MEP1A: variants seen among roughly 807,000 people sequenced by gnomAD.
MEP1A encodes N-benzoyl-L-tyrosyl-P-amino-benzoic acid hydrolase subunit alpha.
Under a neutral mutation model 84.5 loss-of-function variants are expected in MEP1A, and 68 were observed. The observed-to-expected ratio is 0.80, with a 90% CI of 0.66 to 0.98. The LOEUF is 0.98. MEP1A is among the 50% of genes least tolerant of loss of function. The pLI is 0.00. For synonymous variants in MEP1A, 337 were observed against 336.8 expected (o/e 1.00, Z -0.01); for missense variants, 887 against 919.9 (o/e 0.96, Z 0.46).
intron 5 of MEP1A, among the ~76,000 whole-genome samples, chr6:46,800,295 C>T (rs1468985146): frequency 2.6e-5 from 4 of 152,156 alleles, no homozygotes; most frequent in Non-Finnish European, 4.4e-5. Flanking sequence ...TTTACCATGC[C>T]TCTGTAAGGT....
At chr6:46,827,369 T>TC (rs1235552392) in intron 9 of MEP1A, among the ~76,000 whole-genome samples, 2 of 152,204 alleles carry the variant, frequency 1.3e-5, no homozygotes, top group African/African-American at 4.8e-5. Flanking sequence ...GCAGCTTCAC[T>TC]CCCCATTTTT....
chr6:46,809,367 A>T (rs1211285305), intron 5 of MEP1A, 53 bp from the exon 6 acceptor site: 1 of 1,123,408 alleles, frequency 8.9e-7, no homozygotes, highest in Non-Finnish European at 1.3e-6. Flanking sequence ...TAAGTTATAG[A>T]TATTATCTAA....
intron 5 of MEP1A, among the ~76,000 whole-genome samples, chr6:46,804,805 G>A (rs1767276658): frequency 6.6e-6 from 1 of 151,762 alleles, no homozygotes; most frequent in Admixed American, 6.6e-5. Context: ...TATCCTTCCA[G>A]AGAGTTCTGT....
Position 46,833,400 on chromosome 6 carries a change from G to C in MEP1A, c.1471G>C (p.Gly491Arg). The C allele has an allele frequency of 6.2e-7, 1 of 1,614,144 alleles. No homozygotes were observed. Among genetic ancestry groups the C allele is most frequent in the Non-Finnish European group, 8.5e-7 (1 of 1,180,024 alleles). Reference protein sequence around the residue: ...YLRLAFHVCSGENDAILEWPV... With the variant: ...YLRLAFHVCSRENDAILEWPV... ...GAGACTTGCTTTTCATGTGTGCAGT[G>C]GGGAGAACGATGCTATCCTGGAGTG... The change falls in exon 11 of 14, where the codon GGG becomes CGG. Residue 491 changes from glycine to arginine, a missense_variant. Physicochemically the swap from Gly to Arg is moderately radical, Grantham distance 125. Coordinates refer to ENST00000230588, the MANE Select transcript of MEP1A (RefSeq NM_005588.3).
chr6:46,833,945 G>C (rs1768139328), intron 11 of MEP1A, among the ~76,000 whole-genome samples: 1 of 151,720 alleles, frequency 6.6e-6, no homozygotes, highest in African/African-American at 2.4e-5. Context: ...TGTTCATGAA[G>C]TAAACTTACA....
Position 46,825,413 on chromosome 6 carries a change from C to A in MEP1A, c.698C>A (p.Pro233His), listed in dbSNP as rs1340512197. 6 of 1,613,838 alleles carry A rather than the reference C, an allele frequency of 3.7e-6. No individual in the cohort carries two copies. In the Admixed American group the frequency reaches 6.7e-5, roughly 18 times the overall value. The part of the protein sequence containing the change: ...ASVPTITAKI[P>H]EFNSIIGQRL... ...GTTCCCACCATCACAGCCAAGATCC[C>A]TGAGTTTAACTCCATTATCGGACAG... Residue 233 changes from proline (P) to histidine (H), a missense_variant, in exon 8 of 14, where the codon CCT becomes CAT. Coordinates refer to ENST00000230588, the MANE Select transcript of MEP1A (RefSeq NM_005588.3).
chr6:46,793,650 T>A lies in MEP1A; in HGVS notation c.95-16T>A. The stretch of plus-strand genomic sequence containing the variant: ...TCGGCAAGACTAATAATAATTTTTT[T>A]TCTCACTTTTAACAGTACATGATGC... On this transcript the variant is annotated splice_polypyrimidine_tract_variant and intron_variant, in intron 2 of 13. Transcript: ENST00000230588. 1 of 1,601,160 alleles carries A rather than the reference T, an allele frequency of 6.2e-7. No individual in the cohort carries two copies.
intron 10 of MEP1A, among the ~76,000 whole-genome samples, chr6:46,830,256 A>T (rs1768050580): frequency 1.6e-5 from 1 of 62,602 alleles, no homozygotes; most frequent in African/African-American, 5.9e-5. Context: ...CTAAAAAAAA[A>T]AAAAAAAAAA....
At chr6:46,828,019 A>T (rs1292775059) in intron 9 of MEP1A, among the ~76,000 whole-genome samples, 1 of 152,234 alleles carries the variant, frequency 6.6e-6, no homozygotes, top group East Asian at 1.9e-4. Flanking sequence ...GCATAGTTAC[A>T]GGTGGATGCG....
rs539385795 is a variant in MEP1A at position 46,826,300 on chromosome 6, A to C, written c.779-54A>C. ...GTTTTAGTGGCTTAAGACATTAGCTATTTGGAATGACTATCTTTCATTTTT... is the reference window on the plus strand; with the variant it reads ...GTTTTAGTGGCTTAAGACATTAGCTCTTTGGAATGACTATCTTTCATTTTT... On this transcript the variant is annotated intron_variant, in intron 8 of 13. Transcript: ENST00000230588. 18 of 1,504,582 alleles carry C rather than the reference A, an allele frequency of 1.2e-5. No homozygotes were observed. The East Asian group carries it at 3.7e-4, about 31-fold the overall frequency. The allele number at this position is 1,504,582 out of a possible 1,614,324, so 93.2% of individuals were successfully genotyped here. A position where few individuals can be genotyped will look rare whatever the true frequency, so the allele number is the denominator to read the frequency against.
intron 7 of MEP1A, among the ~76,000 whole-genome samples, chr6:46,824,803 A>C (rs1767874858): frequency 8.4e-6 from 1 of 119,330 alleles, no homozygotes; most frequent in Non-Finnish European, 1.6e-5. Flanking sequence ...AAATATATAT[A>C]AATGATGTAT....
chr6:46,793,656 C>T lies in MEP1A; in HGVS notation c.95-10C>T, dbSNP rs1211559369. On this transcript the variant is annotated splice_polypyrimidine_tract_variant and intron_variant, in intron 2 of 13. Coordinates refer to ENST00000230588, the MANE Select transcript of MEP1A (RefSeq NM_005588.3). ...AGACTAATAATAATTTTTTTTCTCACTTTTAACAGTACATGATGCAGATTT... is the reference window on the plus strand; with the variant it reads ...AGACTAATAATAATTTTTTTTCTCATTTTTAACAGTACATGATGCAGATTT... 8.1e-6 allele frequency: 13 copies of T among 1,605,342 alleles called. No homozygotes were observed. Among genetic ancestry groups the T allele is most frequent in the Admixed American group, 1.7e-5 (1 of 59,490 alleles).
intron 3 of MEP1A, 26 bp from the exon 4 acceptor site, chr6:46,798,578 CTT>C: frequency 6.3e-7 from 1 of 1,596,748 alleles, no homozygotes. Flanking sequence ...CTCAAATATT[CTT>C]TTTTTAAAAA....
rs1458889770 is a variant in MEP1A at position 46,798,650 on chromosome 6, A to T, written c.186+4A>T. Reference sequence around the variant, plus strand: ...TCAAGGGGACATCCTCTTGCAGGTGAGTACCTGTCAATGATGCAATAAGTT... The same window carrying T: ...TCAAGGGGACATCCTCTTGCAGGTGTGTACCTGTCAATGATGCAATAAGTT... On this transcript the variant is annotated splice_donor_region_variant and intron_variant, in intron 4 of 13. Transcript: ENST00000230588. 1.9e-6 allele frequency: 3 copies of T among 1,613,412 alleles called. No homozygotes were observed. The highest frequency in any genetic ancestry group is 2.5e-6 in the Non-Finnish European group (3 of 1,179,362).
chr6:46,816,651 G>C (rs538796872), intron 6 of MEP1A, among the ~76,000 whole-genome samples: 1 of 152,094 alleles, frequency 6.6e-6, no homozygotes, highest in Non-Finnish European at 1.5e-5. Flanking sequence ...ACATGAACCT[G>C]AACCTGGTTA....
intron 6 of MEP1A, among the ~76,000 whole-genome samples, chr6:46,814,498 G>A (rs1767585392): frequency 6.6e-6 from 1 of 151,452 alleles, no homozygotes; most frequent in African/African-American, 2.4e-5. Context: ...CCTTTCTCTG[G>A]TGCCTCCTTG....
rs763350848 is a variant in MEP1A at position 46,835,370 on chromosome 6, A to G, written c.1905A>G (p.Leu635=). 4.8e-5 allele frequency: 77 copies of G among 1,611,760 alleles called. No individual in the cohort carries two copies. The highest frequency in any genetic ancestry group is 1.7e-6 in the Non-Finnish European group (2 of 1,179,068). The change falls in exon 13 of 14, where the codon TTA becomes TTG. Residue 635 remains leucine (L), a synonymous_variant. Transcript: ENST00000230588. ...AAGAAGGTTCGGGAAAGGCCATGTT[A>G]GAGGAAGCCCTACCTGTCAGCCTGA... ...VSEEGSGKAM[L]EEALPVSLSQ...
chr6:46,838,714 C>T (rs976080947), intron 13 of MEP1A, among the ~76,000 whole-genome samples: 3 of 152,186 alleles, frequency 2.0e-5, no homozygotes, highest in African/African-American at 7.2e-5. Flanking sequence ...GTGTGAAACA[C>T]TTACTAACAA....
At position 46,819,535 on chromosome 6, in the gene MEP1A, G is replaced by A. The variant is rs758694515; in HGVS notation, c.387G>A (p.Trp129Ter). The change falls in exon 7 of 14, where the codon TGG becomes TGA. Residue 129 changes from tryptophan to a stop codon, truncating the protein, a stop_gained. Coordinates refer to ENST00000230588, the MANE Select transcript of MEP1A (RefSeq NM_005588.3). LOFTEE classifies it high-confidence loss of function. ...YIIFQQFDGC[W>*]SEVGDQHVGQ... ...CCTCTTCTCCTCTTTAAAGGTGCTG[G>A]TCTGAGGTTGGTGACCAACATGTGG... 6.2e-7 allele frequency: 1 copy of A among 1,610,648 alleles called. No individual in the cohort carries two copies. The highest frequency in any genetic ancestry group is 1.7e-5 in the Admixed American group (1 of 59,644).
Sources: allele counts gnomAD v4.1 joint callset (sites outside exome capture counted in the v4.1 genomes callset), GRCh38; gene constraint gnomAD v4.1.1; transcripts MANE v1.5; gene names NCBI Gene and HGNC (gene_info 2026-07-23, HGNC 2026-07-21).